The following MACROD2 variants were observed in gnomAD, a reference collection of about 807,000 sequenced individuals.
MACROD2 encodes the protein ADP-ribose glycohydrolase MACROD2.
A neutral mutation model predicts 70.4 loss-of-function variants in MACROD2; 36 were observed. That is an observed-to-expected ratio of 0.51 (90% confidence interval 0.39 to 0.68). The LOEUF (loss-of-function observed/expected upper bound fraction) is 0.68, where lower values mean the gene tolerates loss of function less well. Ranked by LOEUF, MACROD2 falls within the 30% of genes least tolerant of loss-of-function variation. The pLI, the probability that MACROD2 is intolerant of heterozygous loss-of-function variation, is 0.00. For synonymous variants in MACROD2, 172 were observed against 178.8 expected (o/e 0.96, Z 0.30); for missense variants, 496 against 538.4 (o/e 0.92, Z 0.78).
At chr20:15,979,238 G>C (rs938185957) in intron 13 of MACROD2, among the ~76,000 whole-genome samples, 1 of 152,196 alleles carries the variant, frequency 6.6e-6, no homozygotes, top group Non-Finnish European at 1.5e-5. Context: ...CTTAGCCCGG[G>C]TTGGCTGTGT....
intron 3 of MACROD2, among the ~76,000 whole-genome samples, chr20:14,450,943 T>C (rs2084238474): frequency 6.6e-6 from 1 of 152,106 alleles, no homozygotes; most frequent in Non-Finnish European, 1.5e-5. Flanking sequence ...AAGAAACTCA[T>C]ATCACTGAAG....
intron 5 of MACROD2, among the ~76,000 whole-genome samples, chr20:15,001,986 C>T (rs1056279102): frequency 6.6e-6 from 1 of 152,122 alleles, no homozygotes; most frequent in Non-Finnish European, 1.5e-5. Flanking sequence ...TACACACACA[C>T]ACTACAATTC....
At chr20:14,943,299 G>A (rs2074405269) in intron 5 of MACROD2, among the ~76,000 whole-genome samples, 1 of 152,052 alleles carries the variant, frequency 6.6e-6, no homozygotes, top group Non-Finnish European at 1.5e-5. Context: ...TATGTTAAAT[G>A]TCTACATTTA....
At chr20:14,491,650 C>T (rs1157380030) in intron 3 of MACROD2, among the ~76,000 whole-genome samples, 1 of 152,156 alleles carries the variant, frequency 6.6e-6, no homozygotes, top group Admixed American at 6.5e-5. Context: ...AACAGATGGG[C>T]CTTGGGCTGT....
chr20:15,544,857 G>A (rs989173039), intron 8 of MACROD2, among the ~76,000 whole-genome samples: 2 of 152,192 alleles, frequency 1.3e-5, no homozygotes, highest in African/African-American at 4.8e-5. Flanking sequence ...TAGCCCTTCA[G>A]TTCCTTGGGG....
intron 5 of MACROD2, among the ~76,000 whole-genome samples, chr20:15,035,853 CCT>C (rs2123011273): frequency 6.6e-6 from 1 of 152,292 alleles, no homozygotes; most frequent in Non-Finnish European, 1.5e-5. Context: ...TGGGTATTTT[CCT>C]CTCTGGCACT....
intron 3 of MACROD2, among the ~76,000 whole-genome samples, chr20:14,190,279 C>G (rs2081374284): frequency 6.6e-6 from 1 of 152,080 alleles, no homozygotes; most frequent in South Asian, 2.1e-4. Flanking sequence ...CAATGAGAAG[C>G]CCAGACACAA....
intron 8 of MACROD2, among the ~76,000 whole-genome samples, chr20:15,551,165 G>A (rs902918061): frequency 3.3e-5 from 5 of 152,018 alleles, no homozygotes; most frequent in Admixed American, 1.3e-4. Context: ...TCAACAGATC[G>A]CCCTGTTTTC....
In MACROD2 at chr20:15,233,813, A is replaced by G. The variant is rs1341531985; in HGVS notation, c.540+3752A>G. Among the ~76,000 whole-genome samples, 4 of 150,862 alleles carry G rather than the reference A, an allele frequency of 2.7e-5. No homozygotes were observed. The South Asian group carries it at 6.3e-4, about 24-fold the overall frequency. On this transcript the variant is annotated intron_variant, in intron 6 of 17. Coordinates refer to ENST00000684519, the MANE Select transcript of MACROD2 (RefSeq NM_001351661.2). ...TGATTCTCCTTCTAATCTTACCGTA[A>G]ATCGTTTCAATTGAAAAAATATGAC...
intron 3 of MACROD2, among the ~76,000 whole-genome samples, chr20:14,162,390 T>C (rs977483688): frequency 2.0e-5 from 3 of 152,226 alleles, no homozygotes; most frequent in Non-Finnish European, 4.4e-5. Context: ...GTCCATGTGG[T>C]CTAATATGCA....
chr20:14,491,213 C>T lies in MACROD2; in HGVS notation c.272-2266C>T, dbSNP rs138283626. Among the ~76,000 whole-genome samples the T allele has an allele frequency of 6.9e-3, 1,048 of 152,134 alleles. 4 individuals are homozygous for T. The highest frequency in any genetic ancestry group is 0.023 in the African/African-American group (973 of 41,526). On this transcript the variant is annotated intron_variant, in intron 3 of 17. Coordinates refer to ENST00000684519, the MANE Select transcript of MACROD2 (RefSeq NM_001351661.2). The stretch of plus-strand genomic sequence containing the variant: ...AACAATAAAGTTTCACCTTTACTTG[C>T]GTATTTTTATGTCACTTTTGCTGAA...
At chr20:14,247,146 G>GTATATAAA (rs2081974232) in intron 3 of MACROD2, among the ~76,000 whole-genome samples, 1 of 152,128 alleles carries the variant, frequency 6.6e-6, no homozygotes, top group African/African-American at 2.4e-5. Context: ...AGAAATAAGT[G>GTATATAAA]TATATAAATA....
intron 6 of MACROD2, among the ~76,000 whole-genome samples, chr20:15,283,193 G>T (rs2077461241): frequency 6.6e-6 from 1 of 152,160 alleles, no homozygotes; most frequent in Admixed American, 6.5e-5. Context: ...GATGAGATTT[G>T]GGTGGGGACA....
intron 9 of MACROD2, among the ~76,000 whole-genome samples, chr20:15,882,195 A>G (rs1359604341): frequency 6.6e-6 from 1 of 152,162 alleles, no homozygotes; most frequent in Non-Finnish European, 1.5e-5. Context: ...AATTATTTTA[A>G]CATGCATAAG....
intron 15 of MACROD2, among the ~76,000 whole-genome samples, chr20:15,999,545 A>T (rs1408084785): frequency 6.6e-6 from 1 of 152,162 alleles, no homozygotes; most frequent in Non-Finnish European, 1.5e-5. Context: ...TTTCTGGGTG[A>T]CCTATCTATC....
chr20:14,002,751 C>T (rs1202780089), intron 2 of MACROD2, among the ~76,000 whole-genome samples: 3 of 151,528 alleles, frequency 2.0e-5, no homozygotes, highest in Non-Finnish European at 4.4e-5. Context: ...CATTTATAAT[C>T]GATTATCTTA....
At chr20:15,268,601 T>C (rs2077318281) in intron 6 of MACROD2, among the ~76,000 whole-genome samples, 1 of 152,172 alleles carries the variant, frequency 6.6e-6, no homozygotes, top group Non-Finnish European at 1.5e-5. Flanking sequence ...TGCAGTGGGC[T>C]GAGATTGCGC....
chr20:14,860,858 G>A (rs1469238052), intron 5 of MACROD2, among the ~76,000 whole-genome samples: 2 of 151,926 alleles, frequency 1.3e-5, no homozygotes, highest in African/African-American at 4.8e-5. Context: ...ATTCAACGTG[G>A]CTATTTTAGA....
At chr20:16,027,709 A>C (rs921780915) in intron 15 of MACROD2, among the ~76,000 whole-genome samples, 2 of 152,228 alleles carry the variant, frequency 1.3e-5, no homozygotes, top group African/African-American at 4.8e-5. Flanking sequence ...CTCCTCTGGA[A>C]AAAGTACATA....
Sources: allele counts gnomAD v4.1 joint callset (sites outside exome capture counted in the v4.1 genomes callset), GRCh38; gene constraint gnomAD v4.1.1; transcripts MANE v1.5; gene names NCBI Gene and HGNC (gene_info 2026-07-23, HGNC 2026-07-21).